SNX1: variants seen among roughly 807,000 people sequenced by gnomAD.
SNX1 encodes sorting nexin 1.
Under a neutral mutation model 71.8 loss-of-function variants are expected in SNX1, and 36 were observed. The ratio of observed to expected loss-of-function variants is 0.50; its 90% CI spans 0.38 to 0.66. The LOEUF (loss-of-function observed/expected upper bound fraction) is 0.66, where lower values mean the gene tolerates loss of function less well. SNX1 is among the 30% of genes least tolerant of loss of function. The pLI is 0.00. For synonymous variants in SNX1, 254 were observed against 240.7 expected (o/e 1.06, Z -0.51); for missense variants, 612 against 646.7 (o/e 0.95, Z 0.58).
intron 1 of SNX1, among the ~76,000 whole-genome samples, chr15:64,098,478 G>A (rs189556645): frequency 1.6e-4 from 24 of 152,282 alleles, no homozygotes; most frequent in African/African-American, 5.8e-4. Flanking sequence ...AGGATCACTT[G>A]AGGCCAGGAA....
At chr15:64,113,763 G>A (rs1267865486) in intron 2 of SNX1, among the ~76,000 whole-genome samples, 1 of 152,182 alleles carries the variant, frequency 6.6e-6, no homozygotes, top group African/African-American at 2.4e-5. Context: ...GGAAGTTGCA[G>A]TGAGCTGAGA....
At chr15:64,104,376 C>T (rs1302320695) in intron 1 of SNX1, among the ~76,000 whole-genome samples, 1 of 151,144 alleles carries the variant, frequency 6.6e-6, no homozygotes, top group Non-Finnish European at 1.5e-5. Context: ...GGGTTCATGC[C>T]ATTCTCCTGC....
chr15:64,097,477 G>T (rs1313101641), intron 1 of SNX1, among the ~76,000 whole-genome samples: 2 of 152,106 alleles, frequency 1.3e-5, no homozygotes, highest in Non-Finnish European at 1.5e-5. Context: ...AACGTAAGTT[G>T]ACCTCAGATT....
At chr15:64,128,975 G>A (rs980736245) in intron 8 of SNX1, among the ~76,000 whole-genome samples, 9 of 152,180 alleles carry the variant, frequency 5.9e-5, no homozygotes, top group African/African-American at 2.2e-4. Flanking sequence ...GGCCAGGCGC[G>A]GTGGCTCTTG....
intron 1 of SNX1, among the ~76,000 whole-genome samples, chr15:64,104,366 G>A (rs1031488631): frequency 8.4e-5 from 12 of 143,394 alleles, no homozygotes; most frequent in East Asian, 2.2e-4. Flanking sequence ...TCTGCCTCCC[G>A]GGTTCATGCC....
chr15:64,121,975 A>T (rs1443727595), intron 4 of SNX1, among the ~76,000 whole-genome samples: 1 of 152,162 alleles, frequency 6.6e-6, no homozygotes, highest in Non-Finnish European at 1.5e-5. Flanking sequence ...TCAACTCTGA[A>T]ATTATTCTGG....
intron 1 of SNX1, among the ~76,000 whole-genome samples, chr15:64,112,048 A>T (rs1481266624): frequency 6.6e-6 from 1 of 152,250 alleles, no homozygotes; most frequent in East Asian, 1.9e-4. Flanking sequence ...GGATGAAAAG[A>T]TAAATTTTAC....
chr15:64,096,534 T>TAA (rs2080903164), intron 1 of SNX1, among the ~76,000 whole-genome samples: 1 of 152,228 alleles, frequency 6.6e-6, no homozygotes, highest in African/African-American at 2.4e-5. Context: ...GCGAATGGGA[T>TAA]GCAGACCTTT....
chr15:64,096,051 G>A lies in SNX1; in HGVS notation c.38G>A (p.Arg13Lys). 3 of 1,591,910 alleles carry A rather than the reference G, an allele frequency of 1.9e-6. No homozygotes were observed. Among genetic ancestry groups the A allele is most frequent in the East Asian group, 2.3e-5 (1 of 44,120 alleles). ...SGGGGCSASE[R>K]LPPPFPGLEP... The stretch of plus-strand genomic sequence containing the variant: ...GGTGGTGGCTGTAGCGCTTCGGAGA[G>A]ACTGCCTCCGCCCTTCCCCGGCCTG... Residue 13 changes from arginine to lysine, a missense_variant, in exon 1 of 15, where the codon AGA becomes AAA. Physicochemically the swap from Arg to Lys is conservative, Grantham distance 26. Transcript: ENST00000559844.
At chr15:64,115,486 G>C in intron 2 of SNX1, 2 of 366,142 alleles carry the variant, frequency 5.5e-6, no homozygotes, top group South Asian at 4.0e-5. Flanking sequence ...AGTTCAAAGA[G>C]AAAAGCATGT....
chr15:64,111,756 T>A (rs1308626900), intron 1 of SNX1, among the ~76,000 whole-genome samples: 2 of 152,224 alleles, frequency 1.3e-5, no homozygotes, highest in African/African-American at 4.8e-5. Flanking sequence ...TTTTAACTGA[T>A]CTGCCCTTAG....
intron 6 of SNX1, 65 bp downstream of exon 6, chr15:64,126,285 AC>A: frequency 6.6e-7 from 1 of 1,519,902 alleles, no homozygotes. Flanking sequence ...AAATTCACTC[AC>A]TGTTCAGTAT....
chr15:64,101,934 C>G (rs1398473297), intron 1 of SNX1, among the ~76,000 whole-genome samples: 1 of 152,102 alleles, frequency 6.6e-6, no homozygotes, highest in Non-Finnish European at 1.5e-5. Flanking sequence ...GTTTGAGATG[C>G]TGGATATACT....
chr15:64,138,180 CTCAGCTACCTG>C lies in SNX1; in HGVS notation c.*564_*574del. ...ATGGGGTTTCTTTCTCTCCGCCTAC[CTCAGCTACCTG>C]TTCTGAGGGTCTCAATCTGTTTCGT... On this transcript the variant is annotated 3_prime_UTR_variant, in exon 15 of 15. Coordinates refer to ENST00000559844, the MANE Select transcript of SNX1 (RefSeq NM_003099.5). 6.5e-7 allele frequency: 1 copy of C among 1,535,256 alleles called. No homozygotes were observed. The highest frequency in any genetic ancestry group is 1.4e-5 in the African/African-American group (1 of 73,138).
In SNX1 at chr15:64,137,712, T is replaced by A; in HGVS notation, c.*94T>A. ...TGGACCCCTAGTGATGCATCCTGCC[T>A]AGGCTGGACTTAACCCCTTCCTCCC... On this transcript the variant is annotated 3_prime_UTR_variant, in exon 15 of 15. Coordinates refer to ENST00000559844, the MANE Select transcript of SNX1 (RefSeq NM_003099.5). The A allele has an allele frequency of 6.3e-7, 1 of 1,587,040 alleles. No homozygotes were observed. The highest frequency in any genetic ancestry group is 8.6e-7 in the Non-Finnish European group (1 of 1,162,810).
At chr15:64,100,175 GT>G (rs1264996245) in intron 1 of SNX1, among the ~76,000 whole-genome samples, 7 of 152,330 alleles carry the variant, frequency 4.6e-5, no homozygotes, top group African/African-American at 1.7e-4. Flanking sequence ...AACTGCTGCT[GT>G]TAATCATCCC....
intron 11 of SNX1, among the ~76,000 whole-genome samples, chr15:64,133,798 G>A (rs112092799): frequency 5.9e-5 from 9 of 152,222 alleles, no homozygotes; most frequent in Admixed American, 1.3e-4. Flanking sequence ...CCGGCTGGGC[G>A]GCTGGCCCCA....
At chr15:64,126,303 C>T (rs1438257022) in intron 6 of SNX1, 83 bp downstream of exon 6, 1 of 1,362,470 alleles carries the variant, frequency 7.3e-7, no homozygotes, top group African/African-American at 1.4e-5. Flanking sequence ...GTATATGAGA[C>T]TACTTCTATT....
In SNX1 at chr15:64,143,173, T is replaced by C. The variant is rs541710104; in HGVS notation, c.*5555T>C. Reference sequence around the variant, plus strand: ...GGCTCCAAACATAGGAGGACACATCTGTGCTACAGTGCGCACATGCCTGGA... The same window carrying C: ...GGCTCCAAACATAGGAGGACACATCCGTGCTACAGTGCGCACATGCCTGGA... On this transcript the variant is annotated 3_prime_UTR_variant, in exon 15 of 15. Coordinates refer to ENST00000559844, the MANE Select transcript of SNX1 (RefSeq NM_003099.5). 1 of 160,932 alleles carries C rather than the reference T, an allele frequency of 6.2e-6. No individual in the cohort carries two copies. The highest frequency in any genetic ancestry group is 1.8e-4 in the East Asian group (1 of 5,484). 10.0% of individuals were successfully genotyped at this position (160,932 alleles called of 1,614,324 possible). A position where few individuals can be genotyped will look rare whatever the true frequency, so the allele number is the denominator to read the frequency against.
Sources: gnomAD v4.1 joint callset for allele counts (sites outside exome capture counted in the v4.1 genomes callset) on GRCh38, gnomAD v4.1.1 for gene constraint, MANE v1.5 for transcripts, NCBI Gene and HGNC (gene_info 2026-07-23, HGNC 2026-07-21) for gene names.